The following ATG2A variants were observed in gnomAD, a reference collection of about 807,000 sequenced individuals.
ATG2A encodes the protein autophagy related 2A.
Under a neutral mutation model 214.2 loss-of-function variants are expected in ATG2A, and 103 were observed. The ratio of observed to expected loss-of-function variants is 0.48; its 90% CI spans 0.41 to 0.57. The LOEUF is 0.57. Ranked by LOEUF, ATG2A falls within the 20% of genes least tolerant of loss-of-function variation. The pLI is 0.00. For synonymous variants in ATG2A, 1,160 were observed against 1,142.1 expected, an observed-to-expected ratio of 1.02 and a Z score of -0.32; for missense variants, 2,312 against 2,613.2, an observed-to-expected ratio of 0.88 and a Z score of 2.51.
rs1307658641 is a variant in ATG2A at position 64,914,318 on chromosome 11, C to T, written c.334+20G>A. 6.3e-7 allele frequency: 1 copy of T among 1,578,162 alleles called. No individual in the cohort carries two copies. The highest frequency in any genetic ancestry group is 1.2e-5 in the South Asian group (1 of 86,938). On this transcript the variant is annotated intron_variant, in intron 2 of 40. Transcript: ENST00000377264. ...CCCACTCTCCCCACTTGCCTGCCCCCAGCCTCGCCCTGCCCTCACCTGGAC... is the reference window on the plus strand; with the variant it reads ...CCCACTCTCCCCACTTGCCTGCCCCTAGCCTCGCCCTGCCCTCACCTGGAC...
intron 24 of ATG2A, among the ~76,000 whole-genome samples, chr11:64,904,980 C>CA (rs1944491441): frequency 6.6e-6 from 1 of 152,174 alleles, no homozygotes; most frequent in Non-Finnish European, 1.5e-5. Flanking sequence ...CTCAGCCTCC[C>CA]AAGTAGCTGG....
intron 1 of ATG2A, among the ~76,000 whole-genome samples, chr11:64,914,776 G>A (rs1209406084): frequency 1.3e-5 from 2 of 151,964 alleles, no homozygotes; most frequent in Non-Finnish European, 2.9e-5. Flanking sequence ...TCTACATGCT[G>A]ACACTGAGAC....
At chr11:64,897,345 C>T in intron 37 of ATG2A, 67 bp downstream of exon 37, 2 of 1,524,328 alleles carry the variant, frequency 1.3e-6, no homozygotes, top group Non-Finnish European at 1.8e-6. Context: ...GGCCACACAA[C>T]CAGTCAGGAC....
At position 64,898,126 on chromosome 11, in the gene ATG2A, G is replaced by A. The variant is rs1944221648; in HGVS notation, c.4818C>T (p.Ala1606=). 6 of 1,614,106 alleles carry A rather than the reference G, an allele frequency of 3.7e-6. No individual in the cohort carries two copies. Among genetic ancestry groups the A allele is most frequent in the Non-Finnish European group, 4.2e-6 (5 of 1,180,016 alleles). The part of the protein sequence containing the change: ...FLKDFFTSLV[A]GINPVVPGET... ...CCCCTGGGACCACGGGGTTGATGCC[G>A]GCCACCAGACTAGTGAAGAAGTCCT... Residue 1606 remains alanine (A), a synonymous_variant, in exon 34 of 41, where the codon GCC becomes GCT. Transcript: ENST00000377264. The surrounding 1 kb of genome is among the most constrained non-coding windows in gnomAD (Gnocchi z 4.5).
rs1401884724 is a variant in ATG2A, at chr11:64,905,744, A to G, written c.3369T>C (p.Tyr1123=). The G allele has an allele frequency of 2.8e-5, 45 of 1,613,770 alleles. No individual in the cohort carries two copies. Among genetic ancestry groups the G allele is most frequent in the Non-Finnish European group, 3.3e-5 (39 of 1,179,984 alleles). The stretch of plus-strand genomic sequence containing the variant: ...CCCTGGCCCACCCAGCCTGGTACCT[A>G]TAGTCCACAGAGCAGGAGAACAGGT... ...HTHLFSCSVD[Y]RPLYLPVRVL... is the part of the protein sequence containing the mutation. The change falls in exon 23 of 41, where the codon TAT becomes TAC. Residue 1123 remains tyrosine, a splice_region_variant and synonymous_variant. Coordinates refer to ENST00000377264, the MANE Select transcript of ATG2A (RefSeq NM_015104.3).
chr11:64,900,680 C>G, intron 30 of ATG2A, 51 bp from the exon 31 acceptor site: 1 of 1,529,710 alleles, frequency 6.5e-7, no homozygotes, highest in Non-Finnish European at 8.8e-7. Context: ...CCATTCCCTC[C>G]CCGTCCTCAG....
At chr11:64,906,564 A>G in intron 20 of ATG2A, 31 bp from the exon 21 acceptor site, 1 of 1,609,754 alleles carries the variant, frequency 6.2e-7, no homozygotes, top group African/African-American at 1.3e-5. Context: ...CCCCCTGCCA[A>G]GCCAACTGGC....
At chr11:64,904,324 A>G (rs1455931636) in intron 24 of ATG2A, among the ~76,000 whole-genome samples, 1 of 151,882 alleles carries the variant, frequency 6.6e-6, no homozygotes. Context: ...AGGCAGGCGG[A>G]TCACGAGGTC....
At chr11:64,914,521 A>C (rs1944905383) in intron 1 of ATG2A, 21 bp from the exon 2 acceptor site, 1 of 1,608,490 alleles carries the variant, frequency 6.2e-7, no homozygotes, top group African/African-American at 1.3e-5. Context: ...GCAAGAGACA[A>C]AACCAGCTCA....
chr11:64,910,090 C>G lies in ATG2A; in HGVS notation c.1813G>C (p.Ala605Pro), dbSNP rs375650529. The change falls in exon 13 of 41, where the codon GCC (alanine) becomes CCC (proline). Residue 605 changes from alanine (A) to proline (P), a missense_variant. By Grantham distance (27) the Ala-to-Pro change is conservative. Coordinates refer to ENST00000377264, the MANE Select transcript of ATG2A (RefSeq NM_015104.3). The stretch of plus-strand genomic sequence containing the variant: ...GGTACGGTGGCCAGGCGCAGTAGGG[C>G]GGCCAGCCGGTCCAGGGCCCCCAGC... ...VELGALDRLA[A>P]LLRLATVPAE... 10 of 1,608,602 alleles carry G rather than the reference C, an allele frequency of 6.2e-6. No individual in the cohort carries two copies. In the Admixed American group the frequency reaches 1.7e-4, roughly 27 times the overall value.
rs200967979 is a variant in ATG2A at position 64,897,661 on chromosome 11, C to A, written c.5067+10G>T. On this transcript the variant is annotated intron_variant, in intron 36 of 40. Coordinates refer to ENST00000377264, the MANE Select transcript of ATG2A (RefSeq NM_015104.3). The stretch of plus-strand genomic sequence containing the variant: ...CCCACATGGCCACCCCATCCGACCG[C>A]CCCACTTACCACCTGGTCCATCGTG... 2.5e-5 allele frequency: 40 copies of A among 1,614,102 alleles called. No individual in the cohort carries two copies. The highest frequency in any genetic ancestry group is 3.3e-5 in the Non-Finnish European group (39 of 1,180,046).
intron 21 of ATG2A, 32 bp from the exon 22 acceptor site, chr11:64,906,225 G>C: frequency 6.2e-7 from 1 of 1,610,966 alleles, no homozygotes; most frequent in South Asian, 1.1e-5. Flanking sequence ...GGGCAGTGGG[G>C]AGGCCAGCCC....
Position 64,896,795 on chromosome 11 carries a change from G to A in ATG2A, c.5225C>T (p.Pro1742Leu). Residue 1742 changes from proline (P) to leucine (L), a missense_variant, in exon 38 of 41, where the codon CCC becomes CTC. Pro to Leu is a moderately conservative substitution (Grantham distance 98). Transcript: ENST00000377264. ...GGGGCCCACGCCTCCCAGCAGGCCG[G>A]GCAGCTGGTTCTTGCGGATGTCCTG... ...WLQDIRKNQL[P>L]GLLGGVGPMH... 1 of 1,614,128 alleles carries A rather than the reference G, an allele frequency of 6.2e-7. No homozygotes were observed. Among genetic ancestry groups the A allele is most frequent in the Non-Finnish European group, 8.5e-7 (1 of 1,180,036 alleles).
rs535616947 is a variant in ATG2A, at chr11:64,895,391, G to A, written c.5479C>T (p.Arg1827Cys). 205 of 1,610,192 alleles carry A rather than the reference G, an allele frequency of 1.3e-4. No homozygotes were observed. Among genetic ancestry groups the A allele is most frequent in the Non-Finnish European group, 1.7e-4 (195 of 1,177,960 alleles). Residue 1827 changes from arginine to cysteine, a missense_variant, in exon 40 of 41, where the codon CGC (arginine) becomes TGC (cysteine). Physicochemically the swap from Arg to Cys is radical, Grantham distance 180 (BLOSUM62 -3). Coordinates refer to ENST00000377264, the MANE Select transcript of ATG2A (RefSeq NM_015104.3). The surrounding 1 kb of genome is among the most constrained non-coding windows in gnomAD (Gnocchi z 5.0). ...DILSPAAPVS[R>C]SLQDKRSARR... ...GCAGAGCGCTTATCCTGCAGGGAGC[G>A]GGAGACGGGGGCTGCCGGGGACAGG...
In ATG2A at chr11:64,903,429, G is replaced by T. The variant is rs564141980; in HGVS notation, c.3536-65C>A. 2.3e-4 allele frequency: 370 copies of T among 1,585,150 alleles called. No individual in the cohort carries two copies. The African/African-American group carries it at 4.5e-3, about 19-fold the overall frequency. On this transcript the variant is annotated intron_variant, in intron 25 of 40. Transcript: ENST00000377264. The surrounding 1 kb of genome is among the most constrained non-coding windows in gnomAD (Gnocchi z 4.2). ...CACCCGGCCCCGGCCCCAGCACCTG[G>T]GGGAAGGATCCGGTTGATCCAGGTG...
intron 6 of ATG2A, 67 bp from the exon 7 acceptor site, chr11:64,912,490 G>T (rs555821439): frequency 2.3e-6 from 3 of 1,325,692 alleles, no homozygotes; most frequent in Non-Finnish European, 3.1e-6. Context: ...GCTACCACCC[G>T]CCTGCCCTCG....
Position 64,903,275 on chromosome 11 carries a change from C to A in ATG2A, c.3612+13G>T, listed in dbSNP as rs201679939. The A allele has an allele frequency of 3.1e-6, 5 of 1,612,482 alleles. No homozygotes were observed. In the East Asian group the frequency reaches 1.1e-4, roughly 36 times the overall value. The stretch of plus-strand genomic sequence containing the variant: ...GCTGTGGCTCCAGGAGCCAGAGTGA[C>A]AGCCTCACTCACCAGTTTGCCCTCG... On this transcript the variant is annotated intron_variant, in intron 26 of 40. Coordinates refer to ENST00000377264, the MANE Select transcript of ATG2A (RefSeq NM_015104.3). The surrounding 1 kb of genome is among the most constrained non-coding windows in gnomAD (Gnocchi z 4.2).
rs1287636011 is a variant in ATG2A at position 64,909,722 on chromosome 11, G to A, written c.2066C>T (p.Pro689Leu). The change falls in exon 14 of 41, where the codon CCA (proline) becomes CTA (leucine). Residue 689 changes from proline (P) to leucine (L), a missense_variant. Coordinates refer to ENST00000377264, the MANE Select transcript of ATG2A (RefSeq NM_015104.3). ...RSELSSGPGP[P>L]VPTHLELTCS... ...GGTGAGTTCCAGGTGGGTGGGGACT[G>A]GGGGACCAGGCCCACTGCTAAGCTC... The A allele has an allele frequency of 6.2e-7, 1 of 1,613,162 alleles. No homozygotes were observed. The highest frequency in any genetic ancestry group is 1.7e-5 in the Admixed American group (1 of 60,028).
chr11:64,909,309 C>T lies in ATG2A; in HGVS notation c.2166G>A (p.Leu722=). 6.2e-7 allele frequency: 1 copy of T among 1,613,728 alleles called. No homozygotes were observed. Among genetic ancestry groups the T allele is most frequent in the African/African-American group, 1.3e-5 (1 of 75,028 alleles). ...ACTTGCGCCCAGTGCTCTTGGGGTC[C>T]AGGGCTTTGGAGACACGCAGGCAAG... ...PVPCLRVSKA[L]DPKSTGRKYF... Residue 722 remains leucine, a synonymous_variant, in exon 15 of 41, where the codon CTG becomes CTA. Transcript: ENST00000377264.
Sources: allele counts gnomAD v4.1 joint callset (sites outside exome capture counted in the v4.1 genomes callset), GRCh38; gene constraint gnomAD v4.1.1; non-coding constraint Gnocchi (gnomAD v3.1); transcripts MANE v1.5; gene names NCBI Gene and HGNC (gene_info 2026-07-23, HGNC 2026-07-21).